SPEG: variants seen among roughly 807,000 people sequenced by gnomAD.
SPEG encodes the protein striated muscle preferentially expressed protein kinase.
In SPEG, 114 loss-of-function variants were observed where a neutral mutation model predicts 300.4. The ratio of observed to expected loss-of-function variants is 0.38; its 90% CI spans 0.33 to 0.44. SPEG has a LOEUF of 0.44. Ranked by LOEUF, SPEG falls within the 20% of genes least tolerant of loss-of-function variation. SPEG has a pLI of 1.00. For missense variants in SPEG, 4,201 were observed against 4,586.2 expected, an observed-to-expected ratio of 0.92 and a Z score of 2.43; for synonymous variants, 1,964 against 2,018.9, an observed-to-expected ratio of 0.97 and a Z score of 0.73.
In SPEG at chr2:219,445,343, G is replaced by T. The variant is rs939941000; in HGVS notation, c.815+182G>T. ...TCCCTCCTCCTCCTGAGCCATCACC[G>T]CCCACATCCCCCTGCTCCCACCTGT... On this transcript the variant is annotated intron_variant, in intron 3 of 40. Transcript: ENST00000312358. The surrounding 1 kb of genome is among the most constrained non-coding windows in gnomAD (Gnocchi z 6.1). 6.6e-6 allele frequency among the ~76,000 whole-genome samples: 1 copy of T among 151,870 alleles called. No homozygotes were observed. The highest frequency in any genetic ancestry group is 6.6e-5 in the Admixed American group (1 of 15,246).
intron 6 of SPEG, among the ~76,000 whole-genome samples, chr2:219,455,608 C>G (rs1690115227): frequency 6.6e-6 from 1 of 152,230 alleles, no homozygotes. Context: ...CAAGCCTACA[C>G]TCCTAACCAT....
At chr2:219,465,834 C>T (rs575747223) in intron 9 of SPEG, 12 of 604,202 alleles carry the variant, frequency 2.0e-5, no homozygotes, top group African/African-American at 7.4e-5. Flanking sequence ...CGCATGCGTG[C>T]GTGTATGTGC....
At position 219,476,819 on chromosome 2, in the gene SPEG, A is replaced by G. The variant is rs367926110; in HGVS notation, c.4448-51A>G. 9 of 1,466,432 alleles carry G rather than the reference A, an allele frequency of 6.1e-6. No individual in the cohort carries two copies. In the African/African-American group the frequency reaches 9.8e-5, roughly 16 times the overall value. 90.8% of individuals were successfully genotyped at this position (1,466,432 alleles called of 1,614,324 possible). On this transcript the variant is annotated intron_variant, in intron 18 of 40. Coordinates refer to ENST00000312358, the MANE Select transcript of SPEG (RefSeq NM_005876.5). ...TGGGAGGGGCTGAGGAGGCAGGGTAAAGCCAGCCCCTAGCCCCTTCTCTTC... is the reference window on the plus strand; with the variant it reads ...TGGGAGGGGCTGAGGAGGCAGGGTAGAGCCAGCCCCTAGCCCCTTCTCTTC...
At chr2:219,436,170 TC>T (rs1042146524) in intron 1 of SPEG, among the ~76,000 whole-genome samples, 1 of 152,220 alleles carries the variant, frequency 6.6e-6, no homozygotes, top group Non-Finnish European at 1.5e-5. Context: ...CCAGTGCTTG[TC>T]CCCCGCCCAT....
rs1692890798 is a variant in SPEG, at chr2:219,481,988, G to A, written c.5565+308G>A. 3.8e-6 allele frequency: 2 copies of A among 523,416 alleles called. No individual in the cohort carries two copies. Among genetic ancestry groups the A allele is most frequent in the Non-Finnish European group, 6.9e-6 (2 of 289,316 alleles). The allele number at this position is 523,416 out of a possible 1,614,324, so 32.4% of individuals were successfully genotyped here. A position where few individuals can be genotyped will look rare whatever the true frequency, so the allele number is the denominator to read the frequency against. ...CCCCCATGCTTGAGACCAGACCCTG[G>A]TCTTCCTGACTTCTGTCTGTCCATC... On this transcript the variant is annotated intron_variant, in intron 28 of 40. Transcript: ENST00000312358. This position sits in a 1 kb window ranked among gnomAD's most constrained non-coding sequence, Gnocchi z 5.4.
Position 219,448,860 on chromosome 2 carries a change from C to T in SPEG, c.1702C>T (p.Pro568Ser). 1 of 1,403,434 alleles carries T rather than the reference C, an allele frequency of 7.1e-7. No homozygotes were observed. The highest frequency in any genetic ancestry group is 9.2e-7 in the Non-Finnish European group (1 of 1,087,382). 86.9% of individuals were successfully genotyped at this position (1,403,434 alleles called of 1,614,324 possible). A position where few individuals can be genotyped will look rare whatever the true frequency, so the allele number is the denominator to read the frequency against. The change falls in exon 4 of 41, where the codon CCT becomes TCT. Residue 568 changes from proline to serine, a missense_variant. Pro to Ser is a moderately conservative substitution (Grantham distance 74). Around this residue, in one of 4 missense-constraint regions of SPEG, gnomAD observed 1,258 missense variants for 1,293.9 expected, o/e 0.97. Transcript: ENST00000312358. Reference sequence around the variant, plus strand: ...CAGCGCGGAGAAGCCGGGGGACGAGCCTGGGAGGCCCAGGAGCCGCGGGCC... The same window carrying T: ...CAGCGCGGAGAAGCCGGGGGACGAGTCTGGGAGGCCCAGGAGCCGCGGGCC... ...PSSAEKPGDEPGRPRSRGPAG... is the reference protein window; with the variant it reads ...PSSAEKPGDESGRPRSRGPAG...
intron 1 of SPEG, among the ~76,000 whole-genome samples, chr2:219,440,146 G>C (rs1191535134): frequency 6.6e-6 from 1 of 152,234 alleles, no homozygotes; most frequent in Non-Finnish European, 1.5e-5. Context: ...ATTTTGGAAT[G>C]CCGAGGCAGG....
At chr2:219,474,113 C>T (rs1208004136) in intron 18 of SPEG, 1 of 555,662 alleles carries the variant, frequency 1.8e-6, no homozygotes, top group African/African-American at 1.9e-5. Flanking sequence ...CGCGGTGGCT[C>T]ACACCTGTAA....
At position 219,479,288 on chromosome 2, in the gene SPEG, G is replaced by C. The variant is rs1420755591; in HGVS notation, c.5085+87G>C. ...GAACCAACAAATGGGTCCTGAGTGTGCCATCTGTGCCCACAGGAAGCCAGG... is the reference window on the plus strand; with the variant it reads ...GAACCAACAAATGGGTCCTGAGTGTCCCATCTGTGCCCACAGGAAGCCAGG... On this transcript the variant is annotated intron_variant, in intron 23 of 40. Transcript: ENST00000312358. This position sits in a 1 kb window ranked among gnomAD's most constrained non-coding sequence, Gnocchi z 5.5. The C allele has an allele frequency of 8.7e-7, 1 of 1,156,026 alleles. No individual in the cohort carries two copies. Among genetic ancestry groups the C allele is most frequent in the Non-Finnish European group, 1.3e-6 (1 of 784,788 alleles). 71.6% of individuals were successfully genotyped at this position (1,156,026 alleles called of 1,614,324 possible).
In SPEG at chr2:219,445,510, C is replaced by G. The variant is rs956225410; in HGVS notation, c.815+349C>G. Reference sequence around the variant, plus strand: ...TGTCCCCAGGATCCCTCCCCCGACCCGGGGGCCCCCTTGGTGCCTGCTGTC... The same window carrying G: ...TGTCCCCAGGATCCCTCCCCCGACCGGGGGGCCCCCTTGGTGCCTGCTGTC... On this transcript the variant is annotated intron_variant, in intron 3 of 40. Transcript: ENST00000312358. The surrounding 1 kb of genome is among the most constrained non-coding windows in gnomAD (Gnocchi z 6.1). 4 of 363,848 alleles carry G rather than the reference C, an allele frequency of 1.1e-5. No homozygotes were observed. Among genetic ancestry groups the G allele is most frequent in the East Asian group, 6.0e-5 (1 of 16,694 alleles). 22.5% of individuals were successfully genotyped at this position (363,848 alleles called of 1,614,324 possible).
At position 219,490,397 on chromosome 2, in the gene SPEG, C is replaced by G. The variant is rs537498743; in HGVS notation, c.8922-12C>G. 6.2e-7 allele frequency: 1 copy of G among 1,605,876 alleles called. No homozygotes were observed. The highest frequency in any genetic ancestry group is 1.1e-5 in the South Asian group (1 of 90,682). On this transcript the variant is annotated splice_polypyrimidine_tract_variant and intron_variant, in intron 36 of 40. Transcript: ENST00000312358. ...CCTCTGAGCCGGTGGTGTCCCTCCC[C>G]CCGACACACAGGGGCCGCTTTGGTG...
intron 39 of SPEG, 77 bp downstream of exon 39, chr2:219,491,946 C>G (rs1694012735): frequency 7.2e-7 from 1 of 1,394,530 alleles, no homozygotes; most frequent in Admixed American, 2.1e-5. Context: ...CCAACACCCT[C>G]TCCCCCGTGC....
Position 219,443,906 on chromosome 2 carries a change from G to A in SPEG, c.389-747G>A. On this transcript the variant is annotated intron_variant, in intron 1 of 40. Transcript: ENST00000312358. The surrounding 1 kb of genome is among the most constrained non-coding windows in gnomAD (Gnocchi z 4.6). ...TCTCCCTCCCCACCCATTGCCACAG[G>A]ACACCTCTGGGGACTGGGTGCCTCA... 1.4e-6 allele frequency: 1 copy of A among 731,452 alleles called. No individual in the cohort carries two copies. The highest frequency in any genetic ancestry group is 2.1e-6 in the Non-Finnish European group (1 of 467,118). 45.3% of individuals were successfully genotyped at this position (731,452 alleles called of 1,614,324 possible).
At chr2:219,466,500 G>C (rs1226753617) in intron 9 of SPEG, 1 of 1,116,934 alleles carries the variant, frequency 9.0e-7, no homozygotes, top group Non-Finnish European at 1.1e-6. Context: ...GAGAGATTAC[G>C]GCATGGCATG....
Position 219,473,852 on chromosome 2 carries a change from G to A in SPEG, c.4396G>A (p.Ala1466Thr), listed in dbSNP as rs1692108775. ...GGACATGGGGGCCCTCACCTGCACCGCCCGAAACCGTCACGGCACACAGAC... is the reference window on the plus strand; with the variant it reads ...GGACATGGGGGCCCTCACCTGCACCACCCGAAACCGTCACGGCACACAGAC... ...RRDMGALTCT[A>T]RNRHGTQTCS... The change falls in exon 18 of 41, where the codon GCC (alanine) becomes ACC (threonine). Residue 1466 changes from alanine (A) to threonine (T), a missense_variant. Ala to Thr is a moderately conservative substitution (Grantham distance 58, BLOSUM62 0). This residue lies in a region of SPEG where 1,047 missense variants were observed against 1,356.8 expected (regional missense o/e 0.77). Coordinates refer to ENST00000312358, the MANE Select transcript of SPEG (RefSeq NM_005876.5). This position sits in a 1 kb window ranked among gnomAD's most constrained non-coding sequence, Gnocchi z 4.6. The A allele has an allele frequency of 6.2e-7, 1 of 1,613,602 alleles. No individual in the cohort carries two copies. The highest frequency in any genetic ancestry group is 8.5e-7 in the Non-Finnish European group (1 of 1,180,012).
At chr2:219,492,519 G>A (rs571925849) in intron 40 of SPEG, 75 bp from the exon 41 acceptor site, 204 of 1,490,828 alleles carry the variant, frequency 1.4e-4, no homozygotes, top group Non-Finnish European at 1.7e-4. Context: ...TGGGACATGG[G>A]TCTGCGGGAG....
chr2:219,449,078 C>T lies in SPEG; in HGVS notation c.1920C>T (p.Phe640=). Residue 640 remains phenylalanine, a synonymous_variant, in exon 4 of 41, where the codon TTC becomes TTT. Coordinates refer to ENST00000312358, the MANE Select transcript of SPEG (RefSeq NM_005876.5). ...KREPPAQAVR[F]LPWATPGLEG... ...AGCCCCCGGCGCAGGCCGTGCGCTT[C>T]CTGCCCTGGGCCACGCCGGGCCTGG... The T allele has an allele frequency of 6.6e-7, 1 of 1,516,030 alleles. No individual in the cohort carries two copies. The allele number at this position is 1,516,030 out of a possible 1,614,324, so 93.9% of individuals were successfully genotyped here.
At chr2:219,435,561 G>C (rs1047854839) in intron 1 of SPEG, among the ~76,000 whole-genome samples, 196 bp downstream of exon 1, 2 of 152,224 alleles carry the variant, frequency 1.3e-5, no homozygotes, top group Non-Finnish European at 2.9e-5. Context: ...AGGTAGAGAG[G>C]CTCCCCACAG....
chr2:219,449,578 G>A (rs1307523708), intron 4 of SPEG, among the ~76,000 whole-genome samples: 1 of 152,180 alleles, frequency 6.6e-6, no homozygotes, highest in Non-Finnish European at 1.5e-5. Context: ...CCTGGGTCCA[G>A]TGGCCTGCTA....
Sources: allele counts gnomAD v4.1 joint callset (sites outside exome capture counted in the v4.1 genomes callset), GRCh38; gene constraint gnomAD v4.1.1; regional missense constraint gnomAD v4.1.1; non-coding constraint Gnocchi (gnomAD v3.1); transcripts MANE v1.5; gene names NCBI Gene and HGNC (gene_info 2026-07-23, HGNC 2026-07-21).